The following PCDHA7 variants were observed in gnomAD, a reference collection of about 807,000 sequenced individuals.
PCDHA7 encodes protocadherin alpha 7.
In PCDHA7, 37 loss-of-function variants were observed where a neutral mutation model predicts 57.2. The ratio of observed to expected loss-of-function variants is 0.65; its 90% CI spans 0.50 to 0.85. PCDHA7 has a LOEUF of 0.85. Among genes scored for constraint, PCDHA7 ranks in the 40% least tolerant of loss-of-function variants. The probability of loss-of-function intolerance (pLI) is 0.00; values close to 1 mark genes in which losing one functional copy is unlikely to be tolerated. For missense variants in PCDHA7, 1,188 were observed against 1,241.8 expected (o/e 0.96, Z 0.65); for synonymous variants, 553 against 558.8 (o/e 0.99, Z 0.15).
chr5:140,928,694 C>T, intron 1 of PCDHA7: 1 of 1,614,166 alleles, frequency 6.2e-7, no homozygotes, highest in South Asian at 1.1e-5. Flanking sequence ...TACCACATCT[C>T]CCGGGCGTCT....
At chr5:140,979,068 C>G in intron 2 of PCDHA7, 61 bp downstream of exon 2, 1 of 1,602,182 alleles carries the variant, frequency 6.2e-7, no homozygotes. Flanking sequence ...CTCAGATAAA[C>G]TGCATCTCCA....
At chr5:140,969,112 A>G (rs781784282) in intron 1 of PCDHA7, 4 of 1,614,022 alleles carry the variant, frequency 2.5e-6, no homozygotes, top group Admixed American at 3.3e-5. Context: ...TTGAAGTTCG[A>G]GGGAATGGCT....
At chr5:140,841,429 C>T in intron 1 of PCDHA7, 1 of 1,612,960 alleles carries the variant, frequency 6.2e-7, no homozygotes, top group African/African-American at 1.3e-5. Context: ...ACTCCGTCCC[C>T]GAGGAGGCCA....
chr5:140,943,476 AAAT>A (rs1167849813), intron 1 of PCDHA7, among the ~76,000 whole-genome samples: 3 of 152,134 alleles, frequency 2.0e-5, no homozygotes, highest in Non-Finnish European at 2.9e-5. Context: ...AGATACAGTA[AAAT>A]AATAAATAGA....
chr5:140,857,427 C>G lies in PCDHA7; in HGVS notation c.2355+20689C>G, dbSNP rs781871079. On this transcript the variant is annotated intron_variant, in intron 1 of 3. Coordinates refer to ENST00000525929, the MANE Select transcript of PCDHA7 (RefSeq NM_018910.3). The stretch of plus-strand genomic sequence containing the variant: ...CCTGCGTTCGCGCAGTCCGAGTACA[C>G]GGTGTTCGTGAAGGAGAACAACCCG... 49 of 1,598,334 alleles carry G rather than the reference C, an allele frequency of 3.1e-5. 4 individuals carry two copies. The highest frequency in any genetic ancestry group is 3.9e-5 in the Non-Finnish European group (46 of 1,167,894).
At chr5:140,998,696 C>G (rs1587806526) in intron 3 of PCDHA7, among the ~76,000 whole-genome samples, 1 of 152,182 alleles carries the variant, frequency 6.6e-6, no homozygotes, top group East Asian at 1.9e-4. Flanking sequence ...TCCCAAGTAG[C>G]TGGGATTACA....
chr5:140,882,218 G>A, intron 1 of PCDHA7: 5 of 1,545,760 alleles, frequency 3.2e-6, no homozygotes, highest in Non-Finnish European at 4.4e-6. Flanking sequence ...GACAGTTTGA[G>A]GTAAGGCGTT....
At chr5:140,978,615 T>C in intron 1 of PCDHA7, among the ~76,000 whole-genome samples, 1 of 152,238 alleles carries the variant, frequency 6.6e-6, no homozygotes, top group East Asian at 1.9e-4. Context: ...GCAAAAGCAG[T>C]GAAAGCTTTT....
At chr5:140,841,244 G>C (rs2150312365) in intron 1 of PCDHA7, 34 of 1,496,206 alleles carry the variant, frequency 2.3e-5, no homozygotes, top group South Asian at 2.7e-5. Flanking sequence ...CAGCGGAATT[G>C]GATTAAAAGA....
chr5:140,934,511 T>A (rs999288213), intron 1 of PCDHA7, among the ~76,000 whole-genome samples: 1 of 152,210 alleles, frequency 6.6e-6, no homozygotes, highest in African/African-American at 2.4e-5. Context: ...AAAGGGTCCA[T>A]AGACCACACT....
In PCDHA7 at chr5:140,835,485, G is replaced by C. The variant is rs371322976; in HGVS notation, c.1102G>C (p.Val368Leu). ...TCCAGAGGACGCCCAACCAGGTACC[G>C]TCATCACATTGATTAGCGTGTTTGA... is the stretch of plus-strand genomic sequence containing the variant. ...PIPEDAQPGT[V>L]ITLISVFDRD... is the part of the protein sequence containing the mutation. Residue 368 changes from valine (V) to leucine (L), a missense_variant, in exon 1 of 4, where the codon GTC becomes CTC. Val to Leu is a conservative substitution (Grantham distance 32). Transcript: ENST00000525929. 4.3e-6 allele frequency: 7 copies of C among 1,613,778 alleles called. No homozygotes were observed. Among genetic ancestry groups the C allele is most frequent in the Non-Finnish European group, 5.9e-6 (7 of 1,179,874 alleles).
At chr5:140,998,645 A>T (rs1020510258) in intron 3 of PCDHA7, among the ~76,000 whole-genome samples, 12 of 151,600 alleles carry the variant, frequency 7.9e-5, no homozygotes, top group Non-Finnish European at 1.6e-4. Context: ...GCTCACTGCA[A>T]CCTCTGCCTC....
chr5:140,927,450 G>A (rs782619485), intron 1 of PCDHA7: 3 of 1,614,188 alleles, frequency 1.9e-6, no homozygotes, highest in South Asian at 1.1e-5. Context: ...CGGAGTTGGT[G>A]TTGGAGAAAG....
chr5:140,969,037 C>T (rs1554231375), intron 1 of PCDHA7: 1 of 1,614,158 alleles, frequency 6.2e-7, no homozygotes, highest in South Asian at 1.1e-5. Flanking sequence ...CAGAACTGTA[C>T]AAACAAGCCA....
chr5:140,885,480 A>G (rs782437070), intron 1 of PCDHA7, among the ~76,000 whole-genome samples: 7 of 152,158 alleles, frequency 4.6e-5, no homozygotes, highest in Non-Finnish European at 7.4e-5. Context: ...ACTTTGTGTC[A>G]AGTGTTCTGT....
rs1465510521 is a variant in PCDHA7 at position 140,843,154 on chromosome 5, G to A, written c.2355+6416G>A. On this transcript the variant is annotated intron_variant, in intron 1 of 3. Coordinates refer to ENST00000525929, the MANE Select transcript of PCDHA7 (RefSeq NM_018910.3). ...ACAACGCGTGGCTTTCGTATGAGCT[G>A]CAGCCAGCTGCAAGCAGCCCTCGCA... The A allele has an allele frequency of 1.8e-5, 28 of 1,596,012 alleles. 2 individuals carry two copies. The highest frequency in any genetic ancestry group is 2.4e-5 in the Non-Finnish European group (28 of 1,165,622).
chr5:140,924,102 T>C (rs1227932285), intron 1 of PCDHA7, among the ~76,000 whole-genome samples: 1 of 152,242 alleles, frequency 6.6e-6, no homozygotes. Context: ...TAAATTTTCA[T>C]TCCAAAGCAG....
intron 1 of PCDHA7, among the ~76,000 whole-genome samples, chr5:140,947,198 TA>T (rs1554218091): frequency 1.3e-5 from 2 of 151,312 alleles, no homozygotes; most frequent in African/African-American, 4.8e-5. Flanking sequence ...TACACAGCCT[TA>T]AAAAAAGAAA....
At chr5:140,921,726 A>C (rs1278671755) in intron 1 of PCDHA7, among the ~76,000 whole-genome samples, 1 of 152,170 alleles carries the variant, frequency 6.6e-6, no homozygotes, top group East Asian at 1.9e-4. Flanking sequence ...AATTACTCCC[A>C]TAAAAATTAT....
Sources: gnomAD v4.1 joint callset for allele counts (sites outside exome capture counted in the v4.1 genomes callset) on GRCh38, gnomAD v4.1.1 for gene constraint, MANE v1.5 for transcripts, NCBI Gene and HGNC (gene_info 2026-07-23, HGNC 2026-07-21) for gene names.